XKR6: variants seen among roughly 807,000 people sequenced by gnomAD.
XKR6 encodes XK-related protein 6.
Under a neutral mutation model 56.7 loss-of-function variants are expected in XKR6, and 22 were observed. That is an observed-to-expected ratio of 0.39 (90% CI 0.28 to 0.55). The LOEUF (loss-of-function observed/expected upper bound fraction) is 0.55. Among genes scored for constraint, XKR6 ranks in the 20% least tolerant of loss-of-function variants. XKR6 has a pLI of 0.66. For synonymous variants in XKR6, 524 were observed against 387.8 expected, an observed-to-expected ratio of 1.35 and a Z score of -4.13; for missense variants, 852 against 889.0, an observed-to-expected ratio of 0.96 and a Z score of 0.53.
chr8:11,005,044 T>C (rs1415953169), intron 1 of XKR6, among the ~76,000 whole-genome samples: 1 of 152,094 alleles, frequency 6.6e-6, no homozygotes, highest in African/African-American at 2.4e-5. Flanking sequence ...TGCAACCTTA[T>C]CCATGGGAGA....
rs79221755 is a variant in XKR6, at chr8:11,117,028, T to C, written c.764+83548A>G. ...CAGTAATATTACACTGTCTCCCATT[T>C]AATAGGATTGATGAATTCTAGTGAG... is the stretch of plus-strand genomic sequence containing the variant. On this transcript the variant is annotated intron_variant, in intron 1 of 2. Coordinates refer to ENST00000416569, the MANE Select transcript of XKR6 (RefSeq NM_173683.4). 2.5e-3 allele frequency among the ~76,000 whole-genome samples: 378 copies of C among 152,370 alleles called. 1 individual carries two copies. Among genetic ancestry groups the C allele is most frequent in the Non-Finnish European group, 4.3e-3 (295 of 68,040 alleles).
chr8:10,903,366 C>G (rs183544546), intron 2 of XKR6, among the ~76,000 whole-genome samples: 90 of 152,240 alleles, frequency 5.9e-4, no homozygotes, highest in African/African-American at 2.0e-3. Flanking sequence ...GATGGGAAGC[C>G]AGGACAGAAG....
At chr8:11,069,795 G>C (rs1563116436) in intron 1 of XKR6, among the ~76,000 whole-genome samples, 1 of 152,182 alleles carries the variant, frequency 6.6e-6, no homozygotes, top group Admixed American at 6.5e-5. Flanking sequence ...TTTCCAAGAA[G>C]GGGATGTAGC....
chr8:11,126,430 T>C (rs564957084), intron 1 of XKR6, among the ~76,000 whole-genome samples: 247 of 152,326 alleles, frequency 1.6e-3, no homozygotes, highest in Middle Eastern at 3.4e-3. Context: ...CATTTTATCT[T>C]GTTTTTGGCC....
intron 1 of XKR6, among the ~76,000 whole-genome samples, chr8:10,979,805 G>C (rs1797686255): frequency 6.6e-6 from 1 of 152,194 alleles, no homozygotes; most frequent in Non-Finnish European, 1.5e-5. Flanking sequence ...GCTGCGGGGA[G>C]GGGAGATCCA....
intron 1 of XKR6, chr8:11,104,793 G>C (rs1427497441): frequency 6.6e-6 from 1 of 152,214 alleles, no homozygotes; most frequent in Non-Finnish European, 1.5e-5. Flanking sequence ...TTTTGGCTAA[G>C]ATCAAGTGTG....
chr8:10,988,163 C>A (rs768115780), intron 1 of XKR6, among the ~76,000 whole-genome samples: 1 of 152,172 alleles, frequency 6.6e-6, no homozygotes, highest in South Asian at 2.1e-4. Context: ...TTGCCCCTTA[C>A]CCCCACTTAA....
At chr8:11,055,181 G>A (rs1376915071) in intron 1 of XKR6, among the ~76,000 whole-genome samples, 1 of 152,182 alleles carries the variant, frequency 6.6e-6, no homozygotes, top group Non-Finnish European at 1.5e-5. Flanking sequence ...GAGAGAGATT[G>A]GGCTCAACTC....
intron 1 of XKR6, among the ~76,000 whole-genome samples, chr8:11,099,762 T>C (rs1468034797): frequency 6.6e-6 from 1 of 152,134 alleles, no homozygotes; most frequent in Non-Finnish European, 1.5e-5. Context: ...CCTGAGCATA[T>C]ATTTAGCGGA....
Position 11,200,475 on chromosome 8 carries a change from C to A in XKR6, c.764+101G>T. ...CGCGCGGCCGGTCCCTCCTTCGAGC[C>A]CCCCGCGCTGGGCCCTTTCGAGGGG... On this transcript the variant is annotated intron_variant, in intron 1 of 2. Transcript: ENST00000416569. The surrounding 1 kb of genome is among the most constrained non-coding windows in gnomAD (Gnocchi z 6.4). The A allele has an allele frequency of 9.9e-6, 13 of 1,312,300 alleles. 1 individual carries two copies. In the South Asian group the frequency reaches 2.7e-4, roughly 28 times the overall value. The allele number at this position is 1,312,300 out of a possible 1,614,324, so 81.3% of individuals were successfully genotyped here.
chr8:11,016,673 G>A (rs1231610256), intron 1 of XKR6, among the ~76,000 whole-genome samples: 1 of 152,272 alleles, frequency 6.6e-6, no homozygotes, highest in Non-Finnish European at 1.5e-5. Context: ...CGACGCCCCA[G>A]GCCCCCGGCC....
At position 10,896,338 on chromosome 8, in the gene XKR6, G is replaced by T. The variant is rs1799880101; in HGVS notation, c.*1614C>A. 6.6e-6 allele frequency: 1 copy of T among 152,500 alleles called. No homozygotes were observed. Among genetic ancestry groups the T allele is most frequent in the Admixed American group, 6.5e-5 (1 of 15,272 alleles). The allele number at this position is 152,500 out of a possible 1,614,324, so 9.4% of individuals were successfully genotyped here. A position where few individuals can be genotyped will look rare whatever the true frequency, so the allele number is the denominator to read the frequency against. On this transcript the variant is annotated 3_prime_UTR_variant, in exon 3 of 3. Transcript: ENST00000416569. ...AATCAAATCCTCACCCAAATGGCAT[G>T]GCCTCTAAGGCCTGCAGTCCGCTGC...
chr8:11,021,928 G>A (rs747875463), intron 1 of XKR6, among the ~76,000 whole-genome samples: 7 of 151,572 alleles, frequency 4.6e-5, no homozygotes, highest in Non-Finnish European at 1.0e-4. Context: ...CATCATTGCT[G>A]GCTGGTACCA....
At chr8:11,015,741 G>A (rs1271477036) in intron 1 of XKR6, among the ~76,000 whole-genome samples, 2 of 152,108 alleles carry the variant, frequency 1.3e-5, no homozygotes, top group Non-Finnish European at 2.9e-5. Context: ...CTCGGGGTAA[G>A]ACAGGAAGGG....
intron 1 of XKR6, among the ~76,000 whole-genome samples, chr8:10,980,150 C>A (rs979949746): frequency 2.6e-5 from 4 of 152,284 alleles, no homozygotes; most frequent in Middle Eastern, 3.4e-3. Context: ...GAAGGGGGAA[C>A]GTCTGAGCTT....
chr8:10,975,967 G>A (rs1420198614), intron 1 of XKR6, among the ~76,000 whole-genome samples: 1 of 152,186 alleles, frequency 6.6e-6, no homozygotes, highest in Non-Finnish European at 1.5e-5. Flanking sequence ...GAGATCAGGA[G>A]ATCGAGACCA....
chr8:10,958,211 C>G (rs1473030435), intron 1 of XKR6, among the ~76,000 whole-genome samples: 2 of 152,160 alleles, frequency 1.3e-5, no homozygotes, highest in Admixed American at 1.3e-4. Flanking sequence ...GATGCAAGTT[C>G]CCGTTTGGAT....
intron 1 of XKR6, chr8:11,195,194 C>T (rs1379674735): frequency 1.4e-6 from 1 of 703,146 alleles, no homozygotes; most frequent in Admixed American, 2.0e-5. Flanking sequence ...TCCTTCTTTT[C>T]CTTGATGGTA....
intron 2 of XKR6, among the ~76,000 whole-genome samples, chr8:10,920,483 G>A (rs775853928): frequency 2.6e-4 from 39 of 152,174 alleles, no homozygotes; most frequent in Non-Finnish European, 4.6e-4. Flanking sequence ...TCTACGCTGC[G>A]ACCCTCCAGG....
Sources: gnomAD v4.1 joint callset for allele counts (sites outside exome capture counted in the v4.1 genomes callset) on GRCh38, gnomAD v4.1.1 for gene constraint, Gnocchi (gnomAD v3.1) non-coding constraint, MANE v1.5 for transcripts, NCBI Gene and HGNC (gene_info 2026-07-23, HGNC 2026-07-21) for gene names.